EDAR: variants seen among roughly 807,000 people sequenced by gnomAD.
The protein encoded by EDAR is ectodysplasin A receptor.
A neutral mutation model predicts 51.3 loss-of-function variants in EDAR; 38 were observed. That is an observed-to-expected ratio of 0.74 (90% CI 0.57 to 0.97). The LOEUF (loss-of-function observed/expected upper bound fraction) is 0.97. Among genes scored for constraint, EDAR ranks in the 50% least tolerant of loss-of-function variants. The pLI, the probability that EDAR is intolerant of heterozygous loss-of-function variation, is 0.00. For missense variants in EDAR, 528 were observed against 595.0 expected (o/e 0.89, Z 1.17); for synonymous variants, 227 against 242.1 (o/e 0.94, Z 0.58).
intron 1 of EDAR, among the ~76,000 whole-genome samples, chr2:108,968,967 T>C (rs1698193502): frequency 6.6e-6 from 1 of 152,204 alleles, no homozygotes; most frequent in African/African-American, 2.4e-5. Flanking sequence ...TGTGGGACCT[T>C]AAGCAGTTTT....
At chr2:108,901,056 G>T (rs1297500188) in intron 11 of EDAR, among the ~76,000 whole-genome samples, 1 of 152,138 alleles carries the variant, frequency 6.6e-6, no homozygotes, top group Non-Finnish European at 1.5e-5. Flanking sequence ...AACATTTATA[G>T]AACACTCCAT....
At chr2:108,935,768 A>C (rs1697455191) in intron 1 of EDAR, among the ~76,000 whole-genome samples, 1 of 152,236 alleles carries the variant, frequency 6.6e-6, no homozygotes, top group Non-Finnish European at 1.5e-5. Flanking sequence ...ATAGGCCCTA[A>C]GGACGGTGCC....
chr2:108,932,478 G>C (rs188504621), intron 1 of EDAR, among the ~76,000 whole-genome samples: 1 of 141,730 alleles, frequency 7.1e-6, no homozygotes, highest in African/African-American at 2.7e-5. Flanking sequence ...GCAGTGAGCC[G>C]AGATTGTGCC....
At chr2:108,948,098 A>C (rs260716) in intron 1 of EDAR, among the ~76,000 whole-genome samples, 45,057 of 152,068 alleles carry the variant, frequency 0.3, 10,619 homozygotes, top group East Asian at 0.94. Context: ...AGATGCCCTA[A>C]ATCATCTCTC....
At chr2:108,970,279 C>T (rs539997538) in intron 1 of EDAR, among the ~76,000 whole-genome samples, 15 of 152,206 alleles carry the variant, frequency 9.9e-5, no homozygotes, top group East Asian at 3.9e-4. Context: ...AGCTTCTTTA[C>T]GACACCAGGA....
At chr2:108,939,060 G>C (rs1044181400) in intron 1 of EDAR, among the ~76,000 whole-genome samples, 1 of 152,036 alleles carries the variant, frequency 6.6e-6, no homozygotes, top group African/African-American at 2.4e-5. Context: ...TTACAGGCAT[G>C]AGCCACCGTG....
intron 11 of EDAR, among the ~76,000 whole-genome samples, chr2:108,897,985 T>A (rs1281490561): frequency 1.3e-5 from 2 of 152,080 alleles, no homozygotes; most frequent in Non-Finnish European, 2.9e-5. Flanking sequence ...ATTCCAGACA[T>A]GGGGCAGAAA....
chr2:108,965,959 A>G (rs1698144819), intron 1 of EDAR, among the ~76,000 whole-genome samples: 1 of 152,110 alleles, frequency 6.6e-6, no homozygotes, highest in Non-Finnish European at 1.5e-5. Context: ...TGCCAATTAA[A>G]TTCGGTTATA....
At chr2:108,971,478 C>T (rs1698232214) in intron 1 of EDAR, among the ~76,000 whole-genome samples, 1 of 152,120 alleles carries the variant, frequency 6.6e-6, no homozygotes, top group African/African-American at 2.4e-5. Context: ...ACAGTAGCAT[C>T]ACTAGGGGAG....
chr2:108,929,549 T>G (rs779236453), intron 3 of EDAR, among the ~76,000 whole-genome samples, 170 bp from the exon 4 acceptor site: 52 of 152,216 alleles, frequency 3.4e-4, no homozygotes, highest in Non-Finnish European at 6.8e-4. Flanking sequence ...AACCAGCTCA[T>G]GCTCTGGGCT....
intron 1 of EDAR, among the ~76,000 whole-genome samples, chr2:108,966,986 G>T (rs1574409947): frequency 6.6e-6 from 1 of 152,354 alleles, no homozygotes; most frequent in East Asian, 1.9e-4. Flanking sequence ...CCAGGCTGGA[G>T]TGCTGTGGCA....
chr2:108,908,019 G>C lies in EDAR; in HGVS notation c.804C>G (p.Ser268Arg), dbSNP rs143674939. 3.1e-6 allele frequency: 5 copies of C among 1,607,216 alleles called. No homozygotes were observed. In the East Asian group the frequency reaches 9.0e-5, roughly 29 times the overall value. ...LTATPAKPTK[S>R]ENDASSENEQ... ...CATTCTCGGATGAGGCATCGTTCTC[G>C]CTGCAAAAACAAGAGCGATGGTCAT... Residue 268 changes from serine (S) to arginine (R), a missense_variant and splice_region_variant, in exon 10 of 12, where the codon AGC (serine) becomes AGG (arginine). By Grantham distance (110) the Ser-to-Arg change is moderately radical (BLOSUM62 -1). Transcript: ENST00000258443.
At chr2:108,968,751 T>A (rs1202682641) in intron 1 of EDAR, among the ~76,000 whole-genome samples, 1 of 152,126 alleles carries the variant, frequency 6.6e-6, no homozygotes, top group East Asian at 1.9e-4. Context: ...CATCGAACAC[T>A]AGGAAATAAG....
intron 1 of EDAR, among the ~76,000 whole-genome samples, chr2:108,972,768 C>A (rs1171952544): frequency 6.6e-6 from 1 of 152,212 alleles, no homozygotes; most frequent in Non-Finnish European, 1.5e-5. Flanking sequence ...GATGCTGAGA[C>A]TCAGAAGGGG....
intron 1 of EDAR, among the ~76,000 whole-genome samples, chr2:108,958,604 C>T (rs1026917323): frequency 6.6e-6 from 1 of 152,150 alleles, no homozygotes; most frequent in Non-Finnish European, 1.5e-5. Context: ...CGCCCTATTG[C>T]TCGGGACAGC....
At chr2:108,962,229 C>T (rs1253057541) in intron 1 of EDAR, among the ~76,000 whole-genome samples, 2 of 152,230 alleles carry the variant, frequency 1.3e-5, no homozygotes, top group Non-Finnish European at 2.9e-5. Context: ...GACGCTCTCA[C>T]AGCCTTTCAC....
At chr2:108,977,259 C>A (rs1698339386) in intron 1 of EDAR, among the ~76,000 whole-genome samples, 1 of 152,110 alleles carries the variant, frequency 6.6e-6, no homozygotes, top group Non-Finnish European at 1.5e-5. Context: ...CAGCTTGGCT[C>A]CTGAGAAGCT....
intron 1 of EDAR, among the ~76,000 whole-genome samples, chr2:108,964,141 A>G (rs1288337338): frequency 6.6e-6 from 1 of 152,224 alleles, no homozygotes; most frequent in Non-Finnish European, 1.5e-5. Context: ...ACTGGGCAGC[A>G]CAGAAGATAG....
chr2:108,984,405 A>G (rs1698463873), intron 1 of EDAR, among the ~76,000 whole-genome samples: 1 of 151,952 alleles, frequency 6.6e-6, no homozygotes, highest in African/African-American at 2.4e-5. Context: ...TTGCCTTTCC[A>G]TCACCCTCAA....
Sources: allele counts gnomAD v4.1 joint callset (sites outside exome capture counted in the v4.1 genomes callset), GRCh38; gene constraint gnomAD v4.1.1; transcripts MANE v1.5; gene names NCBI Gene and HGNC (gene_info 2026-07-23, HGNC 2026-07-21).